The following SCUBE2 variants were observed in gnomAD, a reference collection of about 807,000 sequenced individuals.
SCUBE2 encodes signal peptide, CUB and EGF-like domain-containing protein 2.
Under a neutral mutation model 125.9 loss-of-function variants are expected in SCUBE2, and 114 were observed. That is an observed-to-expected ratio of 0.91 (90% CI 0.78 to 1.06). SCUBE2 has a LOEUF of 1.06. Among genes scored for constraint, SCUBE2 ranks in the 50% least tolerant of loss-of-function variants. The pLI, the probability that SCUBE2 is intolerant of heterozygous loss-of-function variation, is 0.00. For missense variants in SCUBE2, 1,255 were observed against 1,301.8 expected, an observed-to-expected ratio of 0.96 and a Z score of 0.55; for synonymous variants, 459 against 492.9, an observed-to-expected ratio of 0.93 and a Z score of 0.91.
At position 9,069,371 on chromosome 11, in the gene SCUBE2, G is replaced by A. The variant is rs765726986; in HGVS notation, c.642C>T (p.Ile214=). The part of the protein sequence containing the change: ...FELAKNQRDC[I]LTCNHGNGGC... ...AGGTGTGCACTGGCCCATACTTACA[G>A]ATGCAGTCTCTCTGGTTCTTGGCCA... is the stretch of plus-strand genomic sequence containing the variant. Residue 214 remains isoleucine (I), a splice_region_variant and synonymous_variant, in exon 5 of 23, where the codon ATC becomes ATT. Coordinates refer to ENST00000649792, the MANE Select transcript of SCUBE2 (RefSeq NM_001367977.2). 3 of 1,614,212 alleles carry A rather than the reference G, an allele frequency of 1.9e-6. No homozygotes were observed. The highest frequency in any genetic ancestry group is 1.6e-4 in the Middle Eastern group (1 of 6,062).
intron 20 of SCUBE2, chr11:9,026,481 T>A (rs1281192000): frequency 2.6e-5 from 4 of 155,176 alleles, no homozygotes; most frequent in Admixed American, 1.3e-4. Flanking sequence ...TCTGGCTCTG[T>A]CTACCAGGCT....
chr11:9,060,327 T>A, intron 8 of SCUBE2, 81 bp downstream of exon 8: 1 of 1,049,032 alleles, frequency 9.5e-7, no homozygotes, highest in South Asian at 1.3e-5. Flanking sequence ...GAGGGTATGT[T>A]GCCTTTATCC....
chr11:9,030,953 C>G (rs1856251395), intron 17 of SCUBE2, 28 bp from the exon 18 acceptor site: 1 of 1,599,808 alleles, frequency 6.3e-7, no homozygotes. Context: ...CTTACGTGAG[C>G]AAGGCCTCCA....
chr11:9,071,180 C>T (rs1860765273), intron 4 of SCUBE2, among the ~76,000 whole-genome samples: 1 of 152,124 alleles, frequency 6.6e-6, no homozygotes, highest in East Asian at 1.9e-4. Context: ...TAATACTGCC[C>T]AAGAAATGGG....
intron 3 of SCUBE2, among the ~76,000 whole-genome samples, chr11:9,075,288 A>G (rs1861131551): frequency 6.6e-6 from 1 of 152,032 alleles, no homozygotes; most frequent in South Asian, 2.1e-4. Flanking sequence ...TTCTGATATA[A>G]GGTATAAAAG....
At chr11:9,065,378 T>G (rs1860110678) in intron 7 of SCUBE2, among the ~76,000 whole-genome samples, 1 of 152,176 alleles carries the variant, frequency 6.6e-6, no homozygotes, top group Admixed American at 6.5e-5. Flanking sequence ...CCTGCATTTA[T>G]TCTCCTTCCT....
intron 11 of SCUBE2, 76 bp downstream of exon 11, chr11:9,053,560 TG>T: frequency 6.5e-7 from 1 of 1,549,816 alleles, no homozygotes; most frequent in Non-Finnish European, 8.8e-7. Flanking sequence ...AGGTGGGATG[TG>T]GGAGCACGCA....
chr11:9,024,068 A>G, intron 21 of SCUBE2: 1 of 324,166 alleles, frequency 3.1e-6, no homozygotes, highest in Non-Finnish European at 4.4e-6. Flanking sequence ...AGCAGTTTCC[A>G]ACTATTCTCT....
intron 2 of SCUBE2, among the ~76,000 whole-genome samples, chr11:9,083,239 T>A (rs1861787444): frequency 6.6e-6 from 1 of 152,142 alleles, no homozygotes; most frequent in South Asian, 2.1e-4. Flanking sequence ...ATGAACCTAA[T>A]GTATTATAAA....
At chr11:9,067,442 G>A (rs1314757988) in intron 5 of SCUBE2, among the ~76,000 whole-genome samples, 18 of 152,196 alleles carry the variant, frequency 1.2e-4, no homozygotes, top group Admixed American at 1.2e-3. Context: ...CTCTGGCAAG[G>A]GAAACGGGAG....
At chr11:9,048,858 G>A (rs1268807004) in intron 14 of SCUBE2, among the ~76,000 whole-genome samples, 4 of 152,220 alleles carry the variant, frequency 2.6e-5, no homozygotes, top group East Asian at 3.9e-4. Flanking sequence ...ATGAAGTATT[G>A]CCTGTATCAG....
chr11:9,041,732 G>C (rs955569803), intron 16 of SCUBE2, among the ~76,000 whole-genome samples: 10 of 151,820 alleles, frequency 6.6e-5, no homozygotes, highest in Non-Finnish European at 1.5e-4. Context: ...CTCCTTCAAA[G>C]AGCTTCGTTC....
In SCUBE2 at chr11:9,091,373, C is replaced by G; in HGVS notation, c.133+23G>C. On this transcript the variant is annotated intron_variant, in intron 1 of 22. Transcript: ENST00000649792. The surrounding 1 kb of genome is among the most constrained non-coding windows in gnomAD (Gnocchi z 8.5). ...CTGGCCCTGCCTGCTGTGCCAGGTG[C>G]GCCCCCGCGGCCGGACACTCACCCT... is the stretch of plus-strand genomic sequence containing the variant. 3.1e-6 allele frequency: 4 copies of G among 1,298,130 alleles called. No homozygotes were observed. The highest frequency in any genetic ancestry group is 3.9e-6 in the Non-Finnish European group (4 of 1,027,648). 80.4% of individuals were successfully genotyped at this position (1,298,130 alleles called of 1,614,324 possible). A position where few individuals can be genotyped will look rare whatever the true frequency, so the allele number is the denominator to read the frequency against.
chr11:9,063,800 C>G (rs931382504), intron 7 of SCUBE2, among the ~76,000 whole-genome samples: 1 of 152,184 alleles, frequency 6.6e-6, no homozygotes, highest in Non-Finnish European at 1.5e-5. Flanking sequence ...GGCTGGAAGC[C>G]TCCGAGGAAA....
chr11:9,066,254 G>A (rs1036523429), intron 6 of SCUBE2, among the ~76,000 whole-genome samples: 2 of 152,214 alleles, frequency 1.3e-5, no homozygotes, highest in African/African-American at 2.4e-5. Flanking sequence ...AGTCCCCTGA[G>A]TCGAGGAGAA....
At chr11:9,084,583 T>G (rs777727112) in intron 2 of SCUBE2, among the ~76,000 whole-genome samples, 2 of 152,220 alleles carry the variant, frequency 1.3e-5, no homozygotes, top group Admixed American at 6.5e-5. Flanking sequence ...AACCCCATCT[T>G]GCTCAGGCAA....
At chr11:9,056,080 G>A (rs911647905) in intron 9 of SCUBE2, among the ~76,000 whole-genome samples, 171 bp from the exon 10 acceptor site, 15 of 152,192 alleles carry the variant, frequency 9.9e-5, no homozygotes, top group Non-Finnish European at 7.3e-5. Flanking sequence ...GTGTGGAGCA[G>A]CCCACAAGAA....
At chr11:9,047,657 C>G in intron 15 of SCUBE2, 95 bp from the exon 16 acceptor site, 1 of 1,291,074 alleles carries the variant, frequency 7.7e-7, no homozygotes, top group Non-Finnish European at 1.1e-6. Context: ...ACACCCCGAG[C>G]TCCCTGTGGA....
chr11:9,069,571 A>C, intron 4 of SCUBE2, 76 bp from the exon 5 acceptor site: 6 of 1,582,764 alleles, frequency 3.8e-6, no homozygotes, highest in Non-Finnish European at 5.2e-6. Context: ...GCAAAGGGCT[A>C]AGGGGTGGCC....
Sources: allele counts gnomAD v4.1 joint callset (sites outside exome capture counted in the v4.1 genomes callset), GRCh38; gene constraint gnomAD v4.1.1; non-coding constraint Gnocchi (gnomAD v3.1); transcripts MANE v1.5; gene names NCBI Gene and HGNC (gene_info 2026-07-23, HGNC 2026-07-21).